Variants in C8orf34 observed in about 807,000 individuals in gnomAD.
The protein encoded by C8orf34 is chromosome 8 open reading frame 34.
In C8orf34, 65 loss-of-function variants were observed where a neutral mutation model predicts 68.3. The observed-to-expected ratio is 0.95, with a 90% CI of 0.78 to 1.17. The LOEUF (loss-of-function observed/expected upper bound fraction) is 1.17. Among genes scored for constraint, C8orf34 ranks in the 50% most tolerant of loss-of-function variants. The probability of loss-of-function intolerance (pLI) is 0.00; values close to 1 mark genes in which losing one functional copy is unlikely to be tolerated. For missense variants in C8orf34, 664 were observed against 655.4 expected (o/e 1.01, Z -0.14); for synonymous variants, 244 against 241.2 (o/e 1.01, Z -0.11).
intron 10 of C8orf34, among the ~76,000 whole-genome samples, chr8:68,766,472 T>C (rs1363206592): frequency 6.6e-6 from 1 of 152,186 alleles, no homozygotes; most frequent in Non-Finnish European, 1.5e-5. Context: ...AAAGGCTTAT[T>C]TCAAAAAGTA....
chr8:68,721,532 C>G (rs1005725981), intron 10 of C8orf34, 95 bp downstream of exon 10: 2 of 814,088 alleles, frequency 2.5e-6, no homozygotes, highest in Non-Finnish European at 3.9e-6. Context: ...AGCCAGCTTT[C>G]TTACTGATTA....
chr8:68,733,544 G>A (rs1307583067), intron 10 of C8orf34, among the ~76,000 whole-genome samples: 1 of 152,084 alleles, frequency 6.6e-6, no homozygotes, highest in Non-Finnish European at 1.5e-5. Context: ...ACAATAACTA[G>A]CTGTTCTAAA....
Position 68,330,966 on chromosome 8 carries a change from C to T in C8orf34, c.-47C>T. 3 of 1,317,388 alleles carry T rather than the reference C, an allele frequency of 2.3e-6. No individual in the cohort carries two copies. Among genetic ancestry groups the T allele is most frequent in the Non-Finnish European group, 2.9e-6 (3 of 1,022,010 alleles). 81.6% of individuals were successfully genotyped at this position (1,317,388 alleles called of 1,614,324 possible). On this transcript the variant is annotated 5_prime_UTR_variant, in exon 1 of 14. Transcript: ENST00000518698. ...CCTCGAATTTCCCCACTGCGCCGGG[C>T]GCTGCGGAGAGCGGCGAGGGTGGGC... is the stretch of plus-strand genomic sequence containing the variant.
At chr8:68,498,354 A>G (rs1185228557) in intron 5 of C8orf34, among the ~76,000 whole-genome samples, 1 of 152,262 alleles carries the variant, frequency 6.6e-6, no homozygotes, top group Non-Finnish European at 1.5e-5. Context: ...CAACTTAAAT[A>G]TTAAATCTTA....
At chr8:68,737,998 T>G (rs1822169937) in intron 10 of C8orf34, among the ~76,000 whole-genome samples, 1 of 152,148 alleles carries the variant, frequency 6.6e-6, no homozygotes, top group African/African-American at 2.4e-5. Context: ...ACATGGCACA[T>G]ACTTTAACAT....
In C8orf34 at chr8:68,458,735, C is replaced by T. The variant is rs751603168; in HGVS notation, c.608-9957C>T. ...TCTGTGAGGTAGCGGTCATGGGCCT[C>T]GAAGTGTTTTCTGGATTGATCACGG... On this transcript the variant is annotated intron_variant, in intron 3 of 13. Transcript: ENST00000518698. Among the ~76,000 whole-genome samples, 6 of 152,280 alleles carry T rather than the reference C, an allele frequency of 3.9e-5. No homozygotes were observed. The South Asian group carries it at 1.2e-3, about 32-fold the overall frequency.
chr8:68,661,170 C>T lies in C8orf34; in HGVS notation c.1241+20659C>T, dbSNP rs543750847. Among the ~76,000 whole-genome samples the T allele has an allele frequency of 1.8e-4, 28 of 152,304 alleles. 1 individual carries two copies. Among genetic ancestry groups the T allele is most frequent in the Middle Eastern group, 3.4e-3 (1 of 294 alleles). On this transcript the variant is annotated intron_variant, in intron 8 of 13. Transcript: ENST00000518698. Reference sequence around the variant, plus strand: ...GCTACCAGTGTGCATTCCCACCCAGCGTGGTCATTGGACGCAGCATGCACA... The same window carrying T: ...GCTACCAGTGTGCATTCCCACCCAGTGTGGTCATTGGACGCAGCATGCACA...
chr8:68,706,747 A>T (rs368843535), intron 8 of C8orf34, among the ~76,000 whole-genome samples: 21 of 152,310 alleles, frequency 1.4e-4, no homozygotes, highest in African/African-American at 4.8e-4. Flanking sequence ...ATCACTCAGG[A>T]TAAAAATAAC....
intron 1 of C8orf34, among the ~76,000 whole-genome samples, chr8:68,434,845 G>A (rs183671992): frequency 0.021 from 3,142 of 152,164 alleles, 47 homozygotes; most frequent in Non-Finnish European, 0.032. Context: ...AGGAGTTCAA[G>A]ACCAGCCTGA....
At chr8:68,661,600 G>A (rs1355399788) in intron 8 of C8orf34, among the ~76,000 whole-genome samples, 1 of 152,120 alleles carries the variant, frequency 6.6e-6, no homozygotes, top group African/African-American at 2.4e-5. Context: ...TGAATACCAG[G>A]GCTTTTATAT....
intron 4 of C8orf34, among the ~76,000 whole-genome samples, chr8:68,481,753 G>C (rs1014916531): frequency 3.3e-5 from 5 of 152,282 alleles, no homozygotes; most frequent in African/African-American, 9.6e-5. Context: ...TTTTGGAATG[G>C]CTGTATTTAA....
intron 8 of C8orf34, among the ~76,000 whole-genome samples, chr8:68,650,112 C>A (rs761688560): frequency 2.6e-5 from 4 of 151,322 alleles, no homozygotes; most frequent in Non-Finnish European, 5.9e-5. Context: ...AAGGGTTGTT[C>A]GAGTAAAATA....
At chr8:68,772,798 C>G (rs28620944) in intron 10 of C8orf34, among the ~76,000 whole-genome samples, 77,085 of 147,190 alleles carry the variant, frequency 0.52, 21,564 homozygotes, top group African/African-American at 0.74. Flanking sequence ...TCCCTCCCTC[C>G]CTCCTTTCTT....
intron 1 of C8orf34, 119 bp from the exon 2 acceptor site, chr8:68,439,380 T>A (rs553336171): frequency 1.3e-6 from 1 of 773,832 alleles, no homozygotes; most frequent in East Asian, 2.8e-5. Context: ...AGCATGGAGT[T>A]AGTTGCTGTA....
chr8:68,797,884 T>C (rs1824222695), intron 12 of C8orf34, among the ~76,000 whole-genome samples: 1 of 152,222 alleles, frequency 6.6e-6, no homozygotes, highest in African/African-American at 2.4e-5. Context: ...GACAGGACTT[T>C]GGTGCTTTGT....
intron 1 of C8orf34, among the ~76,000 whole-genome samples, chr8:68,373,687 G>A (rs1807663298): frequency 6.6e-6 from 1 of 151,844 alleles, no homozygotes; most frequent in Non-Finnish European, 1.5e-5. Context: ...GCAGCATATG[G>A]CCAAAAAAAT....
At chr8:68,812,473 A>G (rs1055480025) in intron 12 of C8orf34, among the ~76,000 whole-genome samples, 1 of 152,122 alleles carries the variant, frequency 6.6e-6, no homozygotes, top group Non-Finnish European at 1.5e-5. Flanking sequence ...TTAGACATAA[A>G]TTATATGTGA....
In C8orf34 at chr8:68,625,588, A is replaced by T. The variant is rs577076999; in HGVS notation, c.1106-14788A>T. ...GAAAGCAACACAGAATGGAAAATGG[A>T]TTTACAATGTGTCAGACAGGGAGGC... On this transcript the variant is annotated intron_variant, in intron 7 of 13. Coordinates refer to ENST00000518698, the MANE Select transcript of C8orf34 (RefSeq NM_052958.4). 1.4e-5 allele frequency: 10 copies of T among 701,292 alleles called. No individual in the cohort carries two copies. The South Asian group carries it at 1.5e-4, about 10-fold the overall frequency. The allele number at this position is 701,292 out of a possible 1,614,324, so 43.4% of individuals were successfully genotyped here.
intron 9 of C8orf34, among the ~76,000 whole-genome samples, chr8:68,713,426 A>G (rs1821381970): frequency 6.6e-6 from 1 of 152,108 alleles, no homozygotes; most frequent in South Asian, 2.1e-4. Context: ...TTAACCAAGA[A>G]AAGAAGAGAG....
Sources: allele counts gnomAD v4.1 joint callset (sites outside exome capture counted in the v4.1 genomes callset), GRCh38; gene constraint gnomAD v4.1.1; transcripts MANE v1.5; gene names NCBI Gene and HGNC (gene_info 2026-07-23, HGNC 2026-07-21).